UBXN11: variants seen among roughly 807,000 people sequenced by gnomAD.
The protein encoded by UBXN11 is UBX domain protein 11, also known as UBX domain-containing protein 11.
Under a neutral mutation model 62.8 loss-of-function variants are expected in UBXN11, and 47 were observed. The ratio of observed to expected loss-of-function variants is 0.75; its 90% CI spans 0.59 to 0.95. UBXN11 has a LOEUF of 0.95. Among genes scored for constraint, UBXN11 ranks in the 40% least tolerant of loss-of-function variants. The pLI is 0.00. For synonymous variants in UBXN11, 294 were observed against 267.0 expected (o/e 1.10, Z -0.99); for missense variants, 638 against 661.7 (o/e 0.96, Z 0.39).
intron 9 of UBXN11, 89 bp downstream of exon 9, chr1:26,285,734 T>A: frequency 2.0e-6 from 3 of 1,487,166 alleles, no homozygotes; most frequent in Non-Finnish European, 2.7e-6. Flanking sequence ...GAGGGCAGGC[T>A]GGGCCTGGGG....
At chr1:26,301,202 T>C in intron 3 of UBXN11, 178 bp from the exon 4 acceptor site, 1 of 1,270,474 alleles carries the variant, frequency 7.9e-7, no homozygotes, top group Non-Finnish European at 1.1e-6. Flanking sequence ...TTGGAGTTCT[T>C]CCAGTCCTGC....
chr1:26,285,382 G>A (rs1435472066), intron 10 of UBXN11, 82 bp downstream of exon 10: 1 of 1,561,764 alleles, frequency 6.4e-7, no homozygotes, highest in Non-Finnish European at 8.7e-7. Flanking sequence ...CTTCCCCTCA[G>A]AATGGGAGGT....
intron 1 of UBXN11, among the ~76,000 whole-genome samples, chr1:26,305,628 A>G (rs1388111187): frequency 6.6e-6 from 1 of 152,174 alleles, no homozygotes; most frequent in Non-Finnish European, 1.5e-5. Context: ...TTTACACTTT[A>G]AAGGAGTGAA....
upstream of UBXN11, among the ~76,000 whole-genome samples, chr1:26,309,244 G>GTTTT (rs1570143909): frequency 6.2e-5 from 1 of 16,170 alleles, no homozygotes; most frequent in Non-Finnish European, 1.9e-4. Flanking sequence ...CGAGTCAATT[G>GTTTT]ATTTTTTTTT....
rs2124657571 is a variant in UBXN11 at position 26,296,951 on chromosome 1, C to T, written c.400G>A (p.Val134Met). The stretch of plus-strand genomic sequence containing the variant: ...TCCCTGACCTGCCGCTGCAGCTGCA[C>T]ACACATCGTCTCCAGTTCCTCCTGC... ...QRQEELETMC[V>M]QLQRQVREME... is the part of the protein sequence containing the mutation. The change falls in exon 7 of 15, where the codon GTG becomes ATG. Residue 134 changes from valine to methionine, a missense_variant. Val to Met is a conservative substitution (Grantham distance 21, BLOSUM62 1). Transcript: ENST00000374222. The T allele has an allele frequency of 1.2e-6, 2 of 1,608,458 alleles. No individual in the cohort carries two copies. Among genetic ancestry groups the T allele is most frequent in the Non-Finnish European group, 1.7e-6 (2 of 1,177,486 alleles).
chr1:26,312,213 C>T (rs2073750752), intron 1 of UBXN11, among the ~76,000 whole-genome samples: 1 of 152,132 alleles, frequency 6.6e-6, no homozygotes, highest in African/African-American at 2.4e-5. Context: ...AGCAGAACCA[C>T]ACTCTAAAAT....
upstream of UBXN11, among the ~76,000 whole-genome samples, chr1:26,307,628 T>A (rs1410585090): frequency 1.4e-5 from 2 of 145,224 alleles, no homozygotes; most frequent in Non-Finnish European, 3.1e-5. Flanking sequence ...CTGTTGCTTT[T>A]TTTTTTTTTT....
chr1:26,309,317 T>G (rs183439492), upstream of UBXN11, among the ~76,000 whole-genome samples: 149 of 145,042 alleles, frequency 1.0e-3, no homozygotes, highest in Non-Finnish European at 1.7e-3. Flanking sequence ...CTCAGCTCAC[T>G]GCAATCTCCA....
rs1134583 is a variant in UBXN11, at chr1:26,282,382, T to C, written c.1480A>G (p.Ser494Gly). ...CTGGGGCCGGGACCGGGACCGGGAC[T>C]GGGGCCGGGACCGGGACCGGGACAG... ...GPCPGPGPGP[S>G]PGPGPGPSPG... Residue 494 changes from serine (S) to glycine (G), a missense_variant, in exon 15 of 15, where the codon AGT (serine) becomes GGT (glycine). Ser to Gly is a moderately conservative substitution (Grantham distance 56, BLOSUM62 0). Coordinates refer to ENST00000374222, the MANE Select transcript of UBXN11 (RefSeq NM_001389556.1). 3.4e-3 allele frequency: 1,149 copies of C among 334,008 alleles called. 21 individuals are homozygous for C. The highest frequency in any genetic ancestry group is 3.8e-3 in the Non-Finnish European group (962 of 255,120). The allele number at this position is 334,008 out of a possible 1,614,324, so 20.7% of individuals were successfully genotyped here.
chr1:26,293,679 C>A (rs1293679542), intron 8 of UBXN11, among the ~76,000 whole-genome samples: 1 of 132,836 alleles, frequency 7.5e-6, no homozygotes, highest in Non-Finnish European at 1.5e-5. Flanking sequence ...TGAGCCAAAT[C>A]GTGCCACTGC....
chr1:26,296,966 G>C lies in UBXN11; in HGVS notation c.385C>G (p.Leu129Val). ...AEATLQRQEE[L>V]ETMCVQLQRQ... ...TGCAGCTGCACACACATCGTCTCCA[G>C]TTCCTCCTGCCGCTGCAGGGTTGCC... Residue 129 changes from leucine to valine, a missense_variant, in exon 7 of 15, where the codon CTG (leucine) becomes GTG (valine). By Grantham distance (32) the Leu-to-Val change is conservative. Transcript: ENST00000374222. 1.9e-6 allele frequency: 3 copies of C among 1,606,938 alleles called. No homozygotes were observed. Among genetic ancestry groups the C allele is most frequent in the Non-Finnish European group, 2.5e-6 (3 of 1,176,744 alleles).
In UBXN11 at chr1:26,302,934, A is replaced by G. The variant is rs2073575723; in HGVS notation, c.-35-16T>C. ...CAGGAACTCCCTAGAGGAATGCAGG[A>G]AGTCAGCCCCTGGGGACAGACTCAG... On this transcript the variant is annotated splice_polypyrimidine_tract_variant and intron_variant, in intron 1 of 14. Transcript: ENST00000374222. The G allele has an allele frequency of 6.3e-6, 10 of 1,583,308 alleles. No homozygotes were observed. The East Asian group carries it at 2.2e-4, about 36-fold the overall frequency.
chr1:26,306,175 C>T (rs1237614283), intron 1 of UBXN11: 11 of 152,278 alleles, frequency 7.2e-5, no homozygotes, highest in African/African-American at 2.4e-4. Context: ...CCCCTCAGGC[C>T]AAAAGGTCCT....
intron 2 of UBXN11, 103 bp from the exon 3 acceptor site, chr1:26,301,825 G>T (rs1189758202): frequency 5.4e-6 from 8 of 1,492,066 alleles, no homozygotes; most frequent in African/African-American, 4.1e-5. Flanking sequence ...AGCTCAAAGA[G>T]ATGGAAGCAG....
intron 2 of UBXN11, among the ~76,000 whole-genome samples, chr1:26,302,554 T>C (rs1045638109): frequency 6.6e-6 from 1 of 152,030 alleles, no homozygotes; most frequent in Non-Finnish European, 1.5e-5. Context: ...AATTAATCAA[T>C]GAACAGTGAA....
Position 26,303,615 on chromosome 1 carries a change from A to C in UBXN11, c.-35-697T>G, listed in dbSNP as rs180798469. Among the ~76,000 whole-genome samples, 119 of 125,120 alleles carry C rather than the reference A, an allele frequency of 9.5e-4. 1 individual carries two copies. The highest frequency in any genetic ancestry group is 3.4e-3 in the African/African-American group (108 of 31,646). 82.1% of individuals were successfully genotyped at this position (125,120 alleles called of 152,430 possible). A position where few individuals can be genotyped will look rare whatever the true frequency, so the allele number is the denominator to read the frequency against. On this transcript the variant is annotated intron_variant, in intron 1 of 14. Coordinates refer to ENST00000374222, the MANE Select transcript of UBXN11 (RefSeq NM_001389556.1). ...CACTCCAACCAACCTGGGCAACAAG[A>C]GCGAAACTCCATCTCAAAAAAAAAA...
chr1:26,285,337 G>A, intron 10 of UBXN11, 127 bp downstream of exon 10: 2 of 1,524,162 alleles, frequency 1.3e-6, no homozygotes, highest in South Asian at 1.2e-5. Context: ...CCTCCTGGAG[G>A]GCATCAGACT....
intron 4 of UBXN11, 48 bp from the exon 5 acceptor site, chr1:26,298,110 G>A (rs1003118557): frequency 1.3e-6 from 2 of 1,576,270 alleles, no homozygotes; most frequent in African/African-American, 1.3e-5. Flanking sequence ...AGCCGAGGCT[G>A]AGTTGTGGGG....
intron 5 of UBXN11, 40 bp downstream of exon 5, chr1:26,297,922 C>T (rs1374394175): frequency 6.2e-7 from 1 of 1,603,006 alleles, no homozygotes; most frequent in Non-Finnish European, 8.5e-7. Context: ...CCCTCCACCT[C>T]TCAGACCGGC....
Sources: allele counts gnomAD v4.1 joint callset (sites outside exome capture counted in the v4.1 genomes callset), GRCh38; gene constraint gnomAD v4.1.1; transcripts MANE v1.5; gene names NCBI Gene and HGNC (gene_info 2026-07-23, HGNC 2026-07-21).